GRP: variants seen among roughly 807,000 people sequenced by gnomAD.
GRP encodes the protein gastrin-releasing peptide.
In GRP, 11 loss-of-function variants were observed where a neutral mutation model predicts 12.7. That is an observed-to-expected ratio of 0.87 (90% CI 0.55 to 1.44). The LOEUF (loss-of-function observed/expected upper bound fraction) is 1.44, where lower values mean the gene tolerates loss of function less well. Ranked by LOEUF, GRP falls within the 40% of genes most tolerant of loss-of-function variation. GRP has a pLI of 0.00. For synonymous variants in GRP, 84 were observed against 77.7 expected (o/e 1.08, Z -0.43); for missense variants, 212 against 185.4 (o/e 1.14, Z -0.83).
intron 1 of GRP, among the ~76,000 whole-genome samples, chr18:59,221,308 G>T (rs2069829761): frequency 6.6e-6 from 1 of 152,192 alleles, no homozygotes; most frequent in Non-Finnish European, 1.5e-5. Context: ...TGCGGAGGGC[G>T]CCTGCGGGTG....
At chr18:59,219,580 A>G (rs1603382666), upstream of GRP, among the ~76,000 whole-genome samples, 4 of 121,964 alleles carry the variant, frequency 3.3e-5, no homozygotes, top group Non-Finnish European at 5.2e-5. Context: ...AGAGGAGGGG[A>G]GGAGATCTGC....
rs35957920 is a variant in GRP at position 59,220,299 on chromosome 18, G to C, written c.34G>C (p.Ala12Pro). The C allele has an allele frequency of 4.0e-6, 6 of 1,504,828 alleles. No homozygotes were observed. In the South Asian group the frequency reaches 7.4e-5, roughly 18 times the overall value. 93.2% of individuals were successfully genotyped at this position (1,504,828 alleles called of 1,614,324 possible). Reference sequence around the variant, plus strand: ...CCGTGAGCTCCCGCTGGTCCTGCTGGCGCTGGTCCTCTGCCTGGCGCCCCG... The same window carrying C: ...CCGTGAGCTCCCGCTGGTCCTGCTGCCGCTGGTCCTCTGCCTGGCGCCCCG... Reference protein sequence around the residue: ...RGRELPLVLLALVLCLAPRGR... With the variant: ...RGRELPLVLLPLVLCLAPRGR... The change falls in exon 1 of 3, where the codon GCG (alanine) becomes CCG (proline). Residue 12 changes from alanine (A) to proline (P), a missense_variant. Ala to Pro is a conservative substitution (Grantham distance 27). Coordinates refer to ENST00000256857, the MANE Select transcript of GRP (RefSeq NM_002091.5).
At position 59,220,159 on chromosome 18, in the gene GRP, G is replaced by A. The variant is rs2069802550; in HGVS notation, c.-107G>A. The stretch of plus-strand genomic sequence containing the variant: ...AGTAGGGGCCCTAGTGGAGGCCGCA[G>A]CAGTAGCACCAGCGGCTGCGGCGGC... On this transcript the variant is annotated 5_prime_UTR_variant, in exon 1 of 3. Coordinates refer to ENST00000256857, the MANE Select transcript of GRP (RefSeq NM_002091.5). The A allele has an allele frequency of 6.4e-6, 4 of 626,036 alleles. No individual in the cohort carries two copies. The highest frequency in any genetic ancestry group is 4.5e-5 in the Admixed American group (1 of 22,066). The allele number at this position is 626,036 out of a possible 1,614,324, so 38.8% of individuals were successfully genotyped here. A position where few individuals can be genotyped will look rare whatever the true frequency, so the allele number is the denominator to read the frequency against.
At chr18:59,221,203 C>G (rs1206281717) in intron 1 of GRP, among the ~76,000 whole-genome samples, 5 of 152,256 alleles carry the variant, frequency 3.3e-5, no homozygotes, top group Non-Finnish European at 7.3e-5. Flanking sequence ...CTTTCCCATT[C>G]CCTCTGCAAC....
intron 1 of GRP, among the ~76,000 whole-genome samples, chr18:59,221,893 T>A (rs1410228271): frequency 6.6e-6 from 1 of 152,090 alleles, no homozygotes; most frequent in African/African-American, 2.4e-5. Flanking sequence ...GGATGTGTGA[T>A]CGCTGAGGGA....
intron 2 of GRP, among the ~76,000 whole-genome samples, chr18:59,226,992 C>CCTTCCTTTCTTT (rs1491177581): frequency 1.2e-3 from 132 of 107,882 alleles, no homozygotes; most frequent in African/African-American, 4.0e-3. Flanking sequence ...TTCTTTTCTT[C>CCTTCCTTTCTTT]CTTTCTTTCT....
chr18:59,229,587 A>C (rs1008440029), intron 2 of GRP, among the ~76,000 whole-genome samples: 1 of 152,218 alleles, frequency 6.6e-6, no homozygotes, highest in Non-Finnish European at 1.5e-5. Context: ...TTGCCCAAGA[A>C]TATCAGTAGT....
chr18:59,223,478 TCA>T (rs149330999), intron 1 of GRP, among the ~76,000 whole-genome samples: 6,165 of 152,310 alleles, frequency 0.04, 203 homozygotes, highest in African/African-American at 0.085. Flanking sequence ...GTTAGTACAA[TCA>T]CAGAATGGAG....
intron 2 of GRP, among the ~76,000 whole-genome samples, chr18:59,227,048 T>TCTTC (rs1555663460): frequency 5.5e-5 from 6 of 108,554 alleles, no homozygotes; most frequent in Middle Eastern, 4.6e-3. Flanking sequence ...TTTCTTTCTT[T>TCTTC]CTTTCTTCCT....
chr18:59,220,744 C>T (rs574341535), intron 1 of GRP, among the ~76,000 whole-genome samples: 78 of 152,264 alleles, frequency 5.1e-4, no homozygotes, highest in African/African-American at 1.5e-3. Context: ...TCCTTTTGTC[C>T]GCCTAGTCTC....
intron 1 of GRP, among the ~76,000 whole-genome samples, chr18:59,225,115 G>A (rs1267315460): frequency 6.6e-6 from 1 of 152,166 alleles, no homozygotes; most frequent in African/African-American, 2.4e-5. Flanking sequence ...ACACAGAATT[G>A]ATGATAGAAT....
chr18:59,229,745 T>C (rs1603384821), intron 2 of GRP, among the ~76,000 whole-genome samples: 1 of 152,186 alleles, frequency 6.6e-6, no homozygotes, highest in Non-Finnish European at 1.5e-5. Flanking sequence ...CAAAGAAGTA[T>C]TTTAAAATTA....
intron 2 of GRP, among the ~76,000 whole-genome samples, chr18:59,227,070 CT>C (rs1442013612): frequency 1.3e-5 from 1 of 75,626 alleles, no homozygotes; most frequent in Admixed American, 1.3e-4. Flanking sequence ...TCTTTCTTTT[CT>C]TTCCTTTCTC....
At chr18:59,222,556 T>C (rs1021030763) in intron 1 of GRP, among the ~76,000 whole-genome samples, 6 of 152,232 alleles carry the variant, frequency 3.9e-5, no homozygotes, top group African/African-American at 1.4e-4. Flanking sequence ...TGCCCTCTGT[T>C]GGAATATGAG....
intron 1 of GRP, among the ~76,000 whole-genome samples, chr18:59,222,815 ATTT>A (rs1009992310): frequency 2.0e-5 from 3 of 152,154 alleles, no homozygotes; most frequent in African/African-American, 7.2e-5. Context: ...AACTTAACAA[ATTT>A]TTATCTGGCT....
At chr18:59,228,814 A>G (rs897859109) in intron 2 of GRP, among the ~76,000 whole-genome samples, 2 of 152,212 alleles carry the variant, frequency 1.3e-5, no homozygotes, top group East Asian at 1.9e-4. Context: ...GGCCTCATCC[A>G]TGATCCTGGA....
intron 2 of GRP, among the ~76,000 whole-genome samples, chr18:59,227,928 C>T (rs995990277): frequency 7.9e-5 from 12 of 152,070 alleles, no homozygotes; most frequent in African/African-American, 2.7e-4. Flanking sequence ...AGAGTGACTG[C>T]TTAAAGGGGG....
At chr18:59,226,561 A>G (rs536445433) in intron 2 of GRP, among the ~76,000 whole-genome samples, 1 of 152,272 alleles carries the variant, frequency 6.6e-6, no homozygotes, top group African/African-American at 2.4e-5. Context: ...GGAAGATTCT[A>G]TTATTCTCTC....
At chr18:59,219,401 G>C (rs1027603785), upstream of GRP, among the ~76,000 whole-genome samples, 4 of 142,004 alleles carry the variant, frequency 2.8e-5, no homozygotes, top group African/African-American at 2.6e-5. Context: ...GAGAGAGACA[G>C]AGAGAGAGAG....
Sources: allele counts gnomAD v4.1 joint callset (sites outside exome capture counted in the v4.1 genomes callset), GRCh38; gene constraint gnomAD v4.1.1; transcripts MANE v1.5; gene names NCBI Gene and HGNC (gene_info 2026-07-23, HGNC 2026-07-21).